The following LRCH3 variants were observed in gnomAD, a reference collection of about 807,000 sequenced individuals.
LRCH3 encodes DISP complex protein LRCH3.
Under a neutral mutation model 104.5 loss-of-function variants are expected in LRCH3, and 68 were observed. That is an observed-to-expected ratio of 0.65 (90% CI 0.54 to 0.80). The LOEUF (loss-of-function observed/expected upper bound fraction) is 0.80, where lower values mean the gene tolerates loss of function less well. Among genes scored for constraint, LRCH3 ranks in the 30% least tolerant of loss-of-function variants. The pLI, the probability that LRCH3 is intolerant of heterozygous loss-of-function variation, is 0.00. For missense variants in LRCH3, 951 were observed against 953.9 expected, an observed-to-expected ratio of 1.00 and a Z score of 0.04; for synonymous variants, 344 against 361.3, an observed-to-expected ratio of 0.95 and a Z score of 0.54.
At chr3:197,830,936 T>G in intron 7 of LRCH3, 73 bp downstream of exon 7, 1 of 1,283,528 alleles carries the variant, frequency 7.8e-7, no homozygotes. Context: ...ATGAAAAGCG[T>G]CTTAACTGGA....
intron 2 of LRCH3, among the ~76,000 whole-genome samples, chr3:197,816,361 A>G (rs909368761): frequency 1.1e-4 from 16 of 151,874 alleles, no homozygotes; most frequent in African/African-American, 1.7e-4. Flanking sequence ...GCTCGCCACA[A>G]CCTCCATCTC....
At chr3:197,881,153 C>T in intron 20 of LRCH3, 1 of 1,015,540 alleles carries the variant, frequency 9.8e-7, no homozygotes, top group Non-Finnish European at 1.2e-6. Flanking sequence ...AGCAGCTGCT[C>T]ACGAGGAGAA....
At position 197,820,375 on chromosome 3, in the gene LRCH3, G is replaced by A. The variant is rs140798150; in HGVS notation, c.585G>A (p.Leu195=). The change falls in exon 4 of 21, where the codon CTG becomes CTA. Residue 195 remains leucine (L), a synonymous_variant. Coordinates refer to ENST00000425562, the MANE Select transcript of LRCH3 (RefSeq NM_001365715.1). The part of the protein sequence containing the change: ...IQTIPSQIGN[L]EALRDLNVRR... The stretch of plus-strand genomic sequence containing the variant: ...CTATACCTTCCCAAATTGGTAACCT[G>A]GAGGCCTTGAGAGACCTTAATGTAA... The A allele has an allele frequency of 2.4e-5, 38 of 1,613,268 alleles. No homozygotes were observed. The highest frequency in any genetic ancestry group is 3.1e-5 in the Non-Finnish European group (36 of 1,179,396).
In LRCH3 at chr3:197,835,658, T is replaced by G. The variant is rs1378638289; in HGVS notation, c.1103-16T>G. 1.2e-6 allele frequency: 2 copies of G among 1,606,280 alleles called. No individual in the cohort carries two copies. The highest frequency in any genetic ancestry group is 8.5e-7 in the Non-Finnish European group (1 of 1,175,490). On this transcript the variant is annotated splice_polypyrimidine_tract_variant and intron_variant, in intron 8 of 20. Transcript: ENST00000425562. ...TGGTGTGTGTGTGTGTGTGGGTGTG[T>G]GTGTGGTGTATACAGTGGAACATGA...
rs188580432 is a variant in LRCH3 at position 197,885,030 on chromosome 3, T to C, written c.*1364T>C. On this transcript the variant is annotated 3_prime_UTR_variant, in exon 21 of 21. Coordinates refer to ENST00000425562, the MANE Select transcript of LRCH3 (RefSeq NM_001365715.1). The stretch of plus-strand genomic sequence containing the variant: ...AAGATAGTTCTATGTCATCCTGTTA[T>C]CTGGACATTATAATAAACAACAAGC... 85 of 152,344 alleles carry C rather than the reference T, an allele frequency of 5.6e-4. No homozygotes were observed. The highest frequency in any genetic ancestry group is 1.9e-3 in the African/African-American group (80 of 41,564). 9.4% of individuals were successfully genotyped at this position (152,344 alleles called of 1,614,324 possible). A position where few individuals can be genotyped will look rare whatever the true frequency, so the allele number is the denominator to read the frequency against.
intron 4 of LRCH3, among the ~76,000 whole-genome samples, chr3:197,824,188 C>T (rs1283735284): frequency 6.6e-6 from 1 of 151,960 alleles, no homozygotes; most frequent in Non-Finnish European, 1.5e-5. Context: ...CCTCAGCCTC[C>T]TGAGTAGCTG....
intron 8 of LRCH3, among the ~76,000 whole-genome samples, chr3:197,834,882 G>A (rs1736476738): frequency 1.3e-5 from 2 of 152,188 alleles, no homozygotes; most frequent in Middle Eastern, 3.2e-3. Flanking sequence ...GTTGGCTGAT[G>A]CCTGTAATCC....
chr3:197,834,245 AT>A (rs1285960380), intron 8 of LRCH3, among the ~76,000 whole-genome samples: 1 of 152,238 alleles, frequency 6.6e-6, no homozygotes, highest in Non-Finnish European at 1.5e-5. Flanking sequence ...CTTAAAAATA[AT>A]GGGGGATTCC....
intron 1 of LRCH3, among the ~76,000 whole-genome samples, chr3:197,797,327 C>A (rs1393516974): frequency 2.7e-3 from 193 of 71,468 alleles, no homozygotes; most frequent in South Asian, 4.4e-3. Context: ...AACTCCATCT[C>A]AAAAAAAAAA....
At chr3:197,880,447 A>G in intron 20 of LRCH3, 3 of 1,213,378 alleles carry the variant, frequency 2.5e-6, no homozygotes, top group Non-Finnish European at 3.5e-6. Flanking sequence ...TCTATACTCA[A>G]ATCTGCATTT....
In LRCH3 at chr3:197,850,244, C is replaced by T. The variant is rs191318423; in HGVS notation, c.1530+2223C>T. Among the ~76,000 whole-genome samples, 7 of 151,602 alleles carry T rather than the reference C, an allele frequency of 4.6e-5. No homozygotes were observed. The East Asian group carries it at 1.2e-3, about 25-fold the overall frequency. ...AATGAATTATTGAGATGATGATAAT[C>T]GTACTTAAAACTTATTGAATGCTTA... On this transcript the variant is annotated intron_variant, in intron 12 of 20. Transcript: ENST00000425562.
Position 197,817,256 on chromosome 3 carries a change from T to G in LRCH3, c.488T>G (p.Val163Gly), listed in dbSNP as rs1341864190. 1.9e-6 allele frequency: 3 copies of G among 1,611,388 alleles called. No individual in the cohort carries two copies. Among genetic ancestry groups the G allele is most frequent in the Non-Finnish European group, 2.5e-6 (3 of 1,178,878 alleles). Residue 163 changes from valine (V) to glycine (G), a missense_variant, in exon 3 of 21, where the codon GTG (valine) becomes GGG (glycine). Transcript: ENST00000425562. ...TTAATTGCTAGTAATAACAAATTGGTGTCACTTCCAGAAGAAATTGGACAC... is the reference window on the plus strand; with the variant it reads ...TTAATTGCTAGTAATAACAAATTGGGGTCACTTCCAGAAGAAATTGGACAC... ...KVLIASNNKL[V>G]SLPEEIGHLR... is the part of the protein sequence containing the mutation.
intron 10 of LRCH3, among the ~76,000 whole-genome samples, chr3:197,842,224 A>C (rs528571961): frequency 1.3e-5 from 2 of 152,238 alleles, no homozygotes. Context: ...AGGCTCTAGG[A>C]TCAATATATA....
At chr3:197,860,473 G>A (rs577048068) in intron 15 of LRCH3, among the ~76,000 whole-genome samples, 13 of 152,264 alleles carry the variant, frequency 8.5e-5, no homozygotes, top group Middle Eastern at 3.4e-3. Flanking sequence ...TAGCCCGAGG[G>A]GGAATACAAT....
chr3:197,843,166 A>G (rs1449258761), intron 10 of LRCH3, among the ~76,000 whole-genome samples: 2 of 152,120 alleles, frequency 1.3e-5, no homozygotes, highest in African/African-American at 4.8e-5. Flanking sequence ...ATACCAGACT[A>G]GGTTCTGTAA....
rs560799010 is a variant in LRCH3 at position 197,882,128 on chromosome 3, C to T, written c.2209-1413C>T. 1.3e-4 allele frequency: 126 copies of T among 985,388 alleles called. No homozygotes were observed. The African/African-American group carries it at 2.0e-3, about 16-fold the overall frequency. The allele number at this position is 985,388 out of a possible 1,614,324, so 61.0% of individuals were successfully genotyped here. On this transcript the variant is annotated intron_variant, in intron 20 of 20. Coordinates refer to ENST00000425562, the MANE Select transcript of LRCH3 (RefSeq NM_001365715.1). Reference sequence around the variant, plus strand: ...AATTGTACATTCTCTTGAGAACACACGGCACTCCCTCTAGTCCAGCTGGGA... The same window carrying T: ...AATTGTACATTCTCTTGAGAACACATGGCACTCCCTCTAGTCCAGCTGGGA...
At chr3:197,844,428 G>C (rs918293340) in intron 10 of LRCH3, among the ~76,000 whole-genome samples, 1 of 152,096 alleles carries the variant, frequency 6.6e-6, no homozygotes, top group East Asian at 1.9e-4. Flanking sequence ...ACACGTCTCT[G>C]TCACCCAGGC....
chr3:197,836,531 T>C (rs2109316743), intron 9 of LRCH3, among the ~76,000 whole-genome samples: 1 of 152,318 alleles, frequency 6.6e-6, no homozygotes, highest in Admixed American at 6.5e-5. Flanking sequence ...GCAGTGATTA[T>C]TTGAGAAACA....
chr3:197,797,893 A>AAAAAAAAACAAAAAAAAC (rs376623079), intron 1 of LRCH3, among the ~76,000 whole-genome samples: 1 of 146,750 alleles, frequency 6.8e-6, no homozygotes, highest in African/African-American at 2.6e-5. Flanking sequence ...CAAAAAAAAA[A>AAAAAAAAACAAAAAAAAC]ACAAAACCAG....
Sources: gnomAD v4.1 joint callset for allele counts (sites outside exome capture counted in the v4.1 genomes callset) on GRCh38, gnomAD v4.1.1 for gene constraint, MANE v1.5 for transcripts, NCBI Gene and HGNC (gene_info 2026-07-23, HGNC 2026-07-21) for gene names.